The following CHD5 variants were observed in gnomAD, a reference collection of about 807,000 sequenced individuals.
CHD5 encodes the protein chromodomain helicase DNA binding protein 5.
A neutral mutation model predicts 230.3 loss-of-function variants in CHD5; 69 were observed. That is an observed-to-expected ratio of 0.30 (90% confidence interval 0.25 to 0.37). The LOEUF (loss-of-function observed/expected upper bound fraction) is 0.37. Among genes scored for constraint, CHD5 ranks in the 10% least tolerant of loss-of-function variants. The pLI, the probability that CHD5 is intolerant of heterozygous loss-of-function variation, is 1.00. For synonymous variants in CHD5, 1,064 were observed against 1,065.9 expected (o/e 1.00, Z 0.03); for missense variants, 1,827 against 2,622.8 (o/e 0.70, Z 6.63).
rs1023094877 is a variant in CHD5 at position 6,155,882 on chromosome 1, T to TGAAGCCCC, written c.388-166_388-165insGGGGCTTC. Among the ~76,000 whole-genome samples, 1 of 152,186 alleles carries TGAAGCCCC rather than the reference T, an allele frequency of 6.6e-6. No individual in the cohort carries two copies. The highest frequency in any genetic ancestry group is 1.5e-5 in the Non-Finnish European group (1 of 68,024). ...CCCACCCTAGGAAACATTCAAGCCCTGCAGCCCCGCAGCCCCGCAGCCCCC... is the reference window on the plus strand; with the variant it reads ...CCCACCCTAGGAAACATTCAAGCCCTGAAGCCCCGCAGCCCCGCAGCCCCGCAGCCCCC... On this transcript the variant is annotated intron_variant, in intron 3 of 41. Coordinates refer to ENST00000262450, the MANE Select transcript of CHD5 (RefSeq NM_015557.3). This position sits in a 1 kb window ranked among gnomAD's most constrained non-coding sequence, Gnocchi z 4.0.
Position 6,136,502 on chromosome 1 carries a change from A to C in CHD5, c.2696+15T>G. Reference sequence around the variant, plus strand: ...GCCCCACCACCACCTCCCTAGCCAGATCCAGGTGACTCACTTGAACCTCTC... The same window carrying C: ...GCCCCACCACCACCTCCCTAGCCAGCTCCAGGTGACTCACTTGAACCTCTC... On this transcript the variant is annotated intron_variant, in intron 17 of 41. Coordinates refer to ENST00000262450, the MANE Select transcript of CHD5 (RefSeq NM_015557.3). 1 of 1,612,988 alleles carries C rather than the reference A, an allele frequency of 6.2e-7. No homozygotes were observed.
In CHD5 at chr1:6,126,764, C is replaced by G. The variant is rs369494695; in HGVS notation, c.3904-18G>C. The stretch of plus-strand genomic sequence containing the variant: ...ACCTCCTCCTGGGGACGCAGCACCA[C>G]GGGTTCCATGGGTGGAGCCATCTCT... On this transcript the variant is annotated intron_variant, in intron 25 of 41. Transcript: ENST00000262450. The surrounding 1 kb of genome is among the most constrained non-coding windows in gnomAD (Gnocchi z 5.7). 2.5e-6 allele frequency: 4 copies of G among 1,609,028 alleles called. No individual in the cohort carries two copies. The highest frequency in any genetic ancestry group is 2.2e-5 in the South Asian group (2 of 90,638).
chr1:6,124,292 C>A (rs922954751), intron 30 of CHD5, among the ~76,000 whole-genome samples, 185 bp from the exon 31 acceptor site: 2 of 150,640 alleles, frequency 1.3e-5, no homozygotes, highest in African/African-American at 4.9e-5. Flanking sequence ...ACCCTCCCAC[C>A]CTCTGTGTGT....
intron 33 of CHD5, among the ~76,000 whole-genome samples, chr1:6,113,690 G>A (rs1171349231): frequency 6.6e-6 from 1 of 152,214 alleles, no homozygotes; most frequent in Non-Finnish European, 1.5e-5. Context: ...GGTCTCTGAA[G>A]GAAAGTTCTC....
chr1:6,165,499 G>A (rs1667238090), intron 2 of CHD5, among the ~76,000 whole-genome samples: 1 of 152,136 alleles, frequency 6.6e-6, no homozygotes, highest in Non-Finnish European at 1.5e-5. Context: ...TGCACAGGTA[G>A]GAGTCCCTGC....
chr1:6,101,953 G>GC lies in CHD5; in HGVS notation c.*3520dup, dbSNP rs1366492804. Reference sequence around the variant, plus strand: ...GAGCCTGGCTTCCAAAGCTGGACCCGCCCCCGCCGGGGCCACCCTGGCTGG... The same window carrying GC: ...GAGCCTGGCTTCCAAAGCTGGACCCGCCCCCCGCCGGGGCCACCCTGGCTGG... On this transcript the variant is annotated 3_prime_UTR_variant, in exon 42 of 42. Transcript: ENST00000262450. 4.9e-6 allele frequency: 2 copies of GC among 410,908 alleles called. No homozygotes were observed. Among genetic ancestry groups the GC allele is most frequent in the East Asian group, 1.1e-4 (1 of 8,774 alleles). 25.5% of individuals were successfully genotyped at this position (410,908 alleles called of 1,614,324 possible).
chr1:6,177,052 G>C (rs1361548524), intron 1 of CHD5, among the ~76,000 whole-genome samples: 1 of 152,224 alleles, frequency 6.6e-6, no homozygotes, highest in Non-Finnish European at 1.5e-5. Flanking sequence ...ATAATTCACT[G>C]CTGAGAGTGA....
rs1666155038 is a variant in CHD5 at position 6,105,870 on chromosome 1, A to C, written c.*46+364T>G. 6.6e-6 allele frequency among the ~76,000 whole-genome samples: 1 copy of C among 152,222 alleles called. No homozygotes were observed. The highest frequency in any genetic ancestry group is 2.4e-5 in the African/African-American group (1 of 41,452). On this transcript the variant is annotated intron_variant, in intron 41 of 41. Coordinates refer to ENST00000262450, the MANE Select transcript of CHD5 (RefSeq NM_015557.3). The surrounding 1 kb of genome is among the most constrained non-coding windows in gnomAD (Gnocchi z 4.8). ...ACAAGATGTGATGTCTGCCACCAGC[A>C]GGACAGCAGGGGCAGGACAGGGCTC...
chr1:6,174,686 G>T (rs1022166758), intron 1 of CHD5, among the ~76,000 whole-genome samples: 1 of 152,014 alleles, frequency 6.6e-6, no homozygotes, highest in Non-Finnish European at 1.5e-5. Context: ...AAGGATGGAT[G>T]GTGGATGGGT....
At chr1:6,179,820 C>A in intron 1 of CHD5, 125 bp downstream of exon 1, 1 of 278,480 alleles carries the variant, frequency 3.6e-6, no homozygotes, top group South Asian at 1.2e-4. Flanking sequence ...CCCCGCAACC[C>A]GGGTGCCCCT....
chr1:6,175,321 G>C (rs1366102690), intron 1 of CHD5, among the ~76,000 whole-genome samples: 1 of 151,196 alleles, frequency 6.6e-6, no homozygotes. Context: ...ATGGTGGATG[G>C]ATGAATGGAT....
At chr1:6,127,033 G>A in intron 25 of CHD5, 1 of 455,348 alleles carries the variant, frequency 2.2e-6, no homozygotes, top group Non-Finnish European at 4.0e-6. Flanking sequence ...GCTCCCCCTT[G>A]CCTGCCCTCA....
At chr1:6,156,553 A>AAAAGACAT (rs1667084193) in intron 3 of CHD5, among the ~76,000 whole-genome samples, 1 of 151,058 alleles carries the variant, frequency 6.6e-6, no homozygotes, top group South Asian at 2.1e-4. Flanking sequence ...AAAAAAAAAA[A>AAAAGACAT]AAAGACATGA....
chr1:6,155,060 A>G lies in CHD5; in HGVS notation c.507-162T>C, dbSNP rs1229560194. On this transcript the variant is annotated intron_variant, in intron 4 of 41. Coordinates refer to ENST00000262450, the MANE Select transcript of CHD5 (RefSeq NM_015557.3). This position sits in a 1 kb window ranked among gnomAD's most constrained non-coding sequence, Gnocchi z 4.0. ...GCGGGAAACCCACTGACCACAGCCCACCCCCAAAACGCCCCAGCTTCCTGT... is the reference window on the plus strand; with the variant it reads ...GCGGGAAACCCACTGACCACAGCCCGCCCCCAAAACGCCCCAGCTTCCTGT... 6.8e-6 allele frequency among the ~76,000 whole-genome samples: 1 copy of G among 147,642 alleles called. No homozygotes were observed. Among genetic ancestry groups the G allele is most frequent in the East Asian group, 2.0e-4 (1 of 4,932 alleles).
At position 6,142,040 on chromosome 1, in the gene CHD5, G is replaced by A; in HGVS notation, c.2436+88C>T. On this transcript the variant is annotated intron_variant, in intron 15 of 41. Transcript: ENST00000262450. This position sits in a 1 kb window ranked among gnomAD's most constrained non-coding sequence, Gnocchi z 5.2. Reference sequence around the variant, plus strand: ...GGCCTCGGTAGCCCTCCCAGGCTGAGGGACCCCAAAGGAGTGCACGGCACC... The same window carrying A: ...GGCCTCGGTAGCCCTCCCAGGCTGAAGGACCCCAAAGGAGTGCACGGCACC... The A allele has an allele frequency of 8.2e-7, 1 of 1,216,900 alleles. No individual in the cohort carries two copies. 75.4% of individuals were successfully genotyped at this position (1,216,900 alleles called of 1,614,324 possible).
At chr1:6,141,252 T>G (rs909351057) in intron 15 of CHD5, among the ~76,000 whole-genome samples, 7 of 151,064 alleles carry the variant, frequency 4.6e-5, no homozygotes, top group African/African-American at 1.7e-4. Flanking sequence ...CATACTGCAC[T>G]CCAGCCTGGG....
intron 2 of CHD5, among the ~76,000 whole-genome samples, chr1:6,161,771 C>T (rs1441412616): frequency 6.6e-6 from 1 of 152,230 alleles, no homozygotes; most frequent in Non-Finnish European, 1.5e-5. Flanking sequence ...CTCCCTGAGC[C>T]CTCACCCCAG....
At position 6,129,891 on chromosome 1, in the gene CHD5, C is replaced by G. The variant is rs556738837; in HGVS notation, c.3387+313G>C. Among the ~76,000 whole-genome samples, 1 of 152,180 alleles carries G rather than the reference C, an allele frequency of 6.6e-6. No homozygotes were observed. On this transcript the variant is annotated intron_variant, in intron 22 of 41. Transcript: ENST00000262450. This position sits in a 1 kb window ranked among gnomAD's most constrained non-coding sequence, Gnocchi z 6.8. ...GGCTCCCTCTTCCTGCCTCCCTCCA[C>G]GGCCTTGGTCCTGAGGATGATGGGA...
At chr1:6,147,680 T>C (rs1052070436) in intron 9 of CHD5, among the ~76,000 whole-genome samples, 23 of 152,234 alleles carry the variant, frequency 1.5e-4, no homozygotes, top group African/African-American at 5.1e-4. Context: ...CGGAAACTCA[T>C]CCAAGCCTCC....
Sources: allele counts gnomAD v4.1 joint callset (sites outside exome capture counted in the v4.1 genomes callset), GRCh38; gene constraint gnomAD v4.1.1; non-coding constraint Gnocchi (gnomAD v3.1); transcripts MANE v1.5; gene names NCBI Gene and HGNC (gene_info 2026-07-23, HGNC 2026-07-21).